The following PTPRS variants were observed in gnomAD, a reference collection of about 807,000 sequenced individuals.
PTPRS encodes receptor-type tyrosine-protein phosphatase S.
PTPRS carries 63 observed loss-of-function variants against 215.3 expected under a neutral mutation model. The observed-to-expected ratio is 0.29, with a 90% CI of 0.24 to 0.36. The LOEUF (loss-of-function observed/expected upper bound fraction) is 0.36. Ranked by LOEUF, PTPRS falls within the 10% of genes least tolerant of loss-of-function variation. The pLI is 1.00. For synonymous variants in PTPRS, 1,404 were observed against 1,191.4 expected (o/e 1.18, Z -3.68); for missense variants, 2,258 against 2,825.8 (o/e 0.80, Z 4.56).
intron 35 of PTPRS, 35 bp from the exon 36 acceptor site, chr19:5,208,426 C>T: frequency 6.7e-7 from 1 of 1,497,662 alleles, no homozygotes. Context: ...GTTATCAGGT[C>T]AGCAGCGGCC....
chr19:5,318,963 G>A (rs567356728), intron 1 of PTPRS, among the ~76,000 whole-genome samples: 4 of 152,296 alleles, frequency 2.6e-5, no homozygotes, highest in African/African-American at 9.6e-5. Context: ...AGTCCCTGGA[G>A]GGCAAGGGCC....
At chr19:5,207,614 T>C (rs2040483447) in intron 37 of PTPRS, among the ~76,000 whole-genome samples, 1 of 152,202 alleles carries the variant, frequency 6.6e-6, no homozygotes, top group East Asian at 1.9e-4. Flanking sequence ...TGTACATTGG[T>C]TGGACTTGGG....
intron 6 of PTPRS, 33 bp downstream of exon 6, chr19:5,262,931 T>TA (rs1289804111): frequency 3.8e-6 from 6 of 1,568,282 alleles, no homozygotes; most frequent in Non-Finnish European, 5.2e-6. Flanking sequence ...GATGGGGCGT[T>TA]AGTTGTTGAC....
chr19:5,223,457 C>T (rs1040437014), intron 17 of PTPRS, among the ~76,000 whole-genome samples, 160 bp from the exon 18 acceptor site: 1 of 151,692 alleles, frequency 6.6e-6, no homozygotes, highest in African/African-American at 2.4e-5. Flanking sequence ...ATGGTGAGAT[C>T]ACGGCTCACT....
At position 5,245,822 on chromosome 19, in the gene PTPRS, C is replaced by A. The variant is rs924726109; in HGVS notation, c.942G>T (p.Met314Ile). 1 of 1,613,074 alleles carries A rather than the reference C, an allele frequency of 6.2e-7. No individual in the cohort carries two copies. Among genetic ancestry groups the A allele is most frequent in the African/African-American group, 1.3e-5 (1 of 75,058 alleles). ...KDSANYTCVAMSSLGVIEAVA... is the reference protein window; with the variant it reads ...KDSANYTCVAISSLGVIEAVA... ...CCGCCTCAATGACGCCCAGGCTGGA[C>A]ATGGCCACGCAGGTGTAGTTGGCCG... The change falls in exon 10 of 38, where the codon ATG (methionine) becomes ATT (isoleucine). Residue 314 changes from methionine to isoleucine, a missense_variant. Around this residue, in one of 6 missense-constraint regions of PTPRS, gnomAD observed 508 missense variants for 799.4 expected, o/e 0.64. Transcript: ENST00000262963.
intron 9 of PTPRS, among the ~76,000 whole-genome samples, chr19:5,251,777 G>A (rs547367923): frequency 1.1e-4 from 16 of 152,056 alleles, no homozygotes; most frequent in Non-Finnish European, 2.2e-4. Context: ...ATGTGATGAG[G>A]GTGGGATGAG....
intron 4 of PTPRS, among the ~76,000 whole-genome samples, chr19:5,269,660 G>A (rs1198960195): frequency 2.6e-5 from 4 of 152,020 alleles, no homozygotes; most frequent in Non-Finnish European, 5.9e-5. Flanking sequence ...GGTGGCTGAC[G>A]CCTATAATCC....
At chr19:5,269,487 G>A (rs1253440238) in intron 4 of PTPRS, among the ~76,000 whole-genome samples, 1 of 152,098 alleles carries the variant, frequency 6.6e-6, no homozygotes, top group African/African-American at 2.4e-5. Flanking sequence ...AACTGCCAGG[G>A]ACTGGCCGGA....
At position 5,273,575 on chromosome 19, in the gene PTPRS, C is replaced by T; in HGVS notation, c.246G>A (p.Glu82=). The T allele has an allele frequency of 6.2e-7, 1 of 1,614,136 alleles. No individual in the cohort carries two copies. Among genetic ancestry groups the T allele is most frequent in the South Asian group, 1.1e-5 (1 of 91,080 alleles). The stretch of plus-strand genomic sequence containing the variant: ...GCACTGCCCCTGCACTCTCATCAAA[C>T]TCAATCGTCTGCCATGGGCAGGGGA... ...KVNSQRFETI[E]FDESAGAVLR... The change falls in exon 4 of 38, where the codon GAG becomes GAA. Residue 82 remains glutamate (E), a synonymous_variant. Coordinates refer to ENST00000262963, the MANE Select transcript of PTPRS (RefSeq NM_002850.4).
chr19:5,267,521 G>A (rs1247376031), intron 4 of PTPRS, among the ~76,000 whole-genome samples: 4 of 151,952 alleles, frequency 2.6e-5, no homozygotes, highest in East Asian at 3.9e-4. Flanking sequence ...GCCAGGCATG[G>A]TGGCGGACGC....
rs532911511 is a variant in PTPRS, at chr19:5,302,241, G to A, written c.-94-16007C>T. Reference sequence around the variant, plus strand: ...TAGCTGGGCATGGCAGTACATGTCTGTACTCCCAACTACTTGGGAGGCTGA... The same window carrying A: ...TAGCTGGGCATGGCAGTACATGTCTATACTCCCAACTACTTGGGAGGCTGA... On this transcript the variant is annotated intron_variant, in intron 1 of 37. Transcript: ENST00000262963. 3.3e-5 allele frequency among the ~76,000 whole-genome samples: 5 copies of A among 152,156 alleles called. No homozygotes were observed. The East Asian group carries it at 5.8e-4, about 18-fold the overall frequency.
chr19:5,222,658 G>C, intron 18 of PTPRS, 31 bp downstream of exon 18: 6 of 1,509,652 alleles, frequency 4.0e-6, no homozygotes, highest in Non-Finnish European at 5.3e-6. Context: ...GGCCCGGTCC[G>C]GCTCTGGTGC....
Position 5,240,298 on chromosome 19 carries a change from G to A in PTPRS, c.1605C>T (p.Ala535=). 1 of 1,604,352 alleles carries A rather than the reference G, an allele frequency of 6.2e-7. No homozygotes were observed. The change falls in exon 12 of 38, where the codon GCC becomes GCT. Residue 535 remains alanine (A), a synonymous_variant. Coordinates refer to ENST00000262963, the MANE Select transcript of PTPRS (RefSeq NM_002850.4). ...ACAGCGTGATGCTGGTCTCCGACCT[G>A]GCCTCGGCCCGCAGGTTCATGGGCT... ...PGQPMNLRAE[A]RSETSITLSW...
At chr19:5,275,297 C>G (rs550509261) in intron 2 of PTPRS, among the ~76,000 whole-genome samples, 48 of 152,116 alleles carry the variant, frequency 3.2e-4, no homozygotes, top group African/African-American at 1.1e-3. Context: ...GTCTCGGTCT[C>G]CTGACCTCAT....
intron 1 of PTPRS, among the ~76,000 whole-genome samples, chr19:5,337,913 T>C (rs1215470363): frequency 6.6e-6 from 1 of 152,114 alleles, no homozygotes; most frequent in Non-Finnish European, 1.5e-5. Context: ...GTGATTTTTT[T>C]TTCTCTGCTG....
intron 1 of PTPRS, among the ~76,000 whole-genome samples, chr19:5,328,188 C>T (rs1215831891): frequency 6.6e-6 from 1 of 152,128 alleles, no homozygotes; most frequent in East Asian, 1.9e-4. Flanking sequence ...ACAATCTTGG[C>T]TCACTGCAAC....
At chr19:5,335,035 G>A (rs201959151) in intron 1 of PTPRS, among the ~76,000 whole-genome samples, 1 of 152,222 alleles carries the variant, frequency 6.6e-6, no homozygotes, top group East Asian at 1.9e-4. Flanking sequence ...ACACACAGAC[G>A]CGCCAACCTC....
intron 1 of PTPRS, among the ~76,000 whole-genome samples, chr19:5,336,209 GT>G (rs531115171): frequency 0.017 from 1,924 of 113,998 alleles, 59 homozygotes; most frequent in African/African-American, 0.06. Context: ...GGTACGTCGG[GT>G]TTTTTTTTTT....
intron 1 of PTPRS, among the ~76,000 whole-genome samples, chr19:5,291,111 C>A (rs896580513): frequency 6.6e-6 from 1 of 151,924 alleles, no homozygotes; most frequent in African/African-American, 2.4e-5. Flanking sequence ...CTTTAATTGA[C>A]TATTGATTTG....
Sources: gnomAD v4.1 joint callset for allele counts (sites outside exome capture counted in the v4.1 genomes callset) on GRCh38, gnomAD v4.1.1 for gene constraint, gnomAD v4.1.1 regional missense constraint, MANE v1.5 for transcripts, NCBI Gene and HGNC (gene_info 2026-07-23, HGNC 2026-07-21) for gene names.